Variants in TMEM181 observed in about 807,000 individuals in gnomAD.
TMEM181 encodes G protein-coupled receptor 178.
TMEM181 carries 39 observed loss-of-function variants against 71.9 expected under a neutral mutation model. The observed-to-expected ratio is 0.54, with a 90% confidence interval of 0.42 to 0.71. TMEM181 has a LOEUF of 0.71. TMEM181 is among the 30% of genes least tolerant of loss of function. The probability of loss-of-function intolerance (pLI) is 0.00; values close to 1 mark genes in which losing one functional copy is unlikely to be tolerated. For missense variants in TMEM181, 595 were observed against 583.0 expected, an observed-to-expected ratio of 1.02 and a Z score of -0.21; for synonymous variants, 245 against 228.8, an observed-to-expected ratio of 1.07 and a Z score of -0.64.
At chr6:158,585,482 A>G (rs1286579380) in intron 5 of TMEM181, 57 bp downstream of exon 5, 16 of 1,388,494 alleles carry the variant, frequency 1.2e-5, no homozygotes, top group Admixed American at 2.8e-5. Flanking sequence ...ACGTTTAATT[A>G]CAGAGCCACT....
At position 158,631,399 on chromosome 6, in the gene TMEM181, T is replaced by C. The variant is rs1165195361; in HGVS notation, c.1349+10T>C. 6.2e-7 allele frequency: 1 copy of C among 1,614,194 alleles called. No homozygotes were observed. Among genetic ancestry groups the C allele is most frequent in the Non-Finnish European group, 8.5e-7 (1 of 1,180,008 alleles). Reference sequence around the variant, plus strand: ...ATGATGTGATTTATGGGTAAGTCCCTGTCCGTTAGAAGGCCGGCACACCTT... The same window carrying C: ...ATGATGTGATTTATGGGTAAGTCCCCGTCCGTTAGAAGGCCGGCACACCTT... On this transcript the variant is annotated intron_variant, in intron 16 of 16. Coordinates refer to ENST00000684151, the MANE Select transcript of TMEM181 (RefSeq NM_001376852.1).
At position 158,573,507 on chromosome 6, in the gene TMEM181, C is replaced by A; in HGVS notation, c.96C>A (p.Ile32=). The stretch of plus-strand genomic sequence containing the variant: ...TCTTCATCTGCTTTGGCCTGACCAT[C>A]TTCGTTGGGATCAGAGGTAAGGTTC... ...VVFFICFGLT[I]FVGIRGPKVI... is the part of the protein sequence containing the mutation. Residue 32 remains isoleucine, a synonymous_variant, in exon 2 of 17, where the codon ATC becomes ATA. Transcript: ENST00000684151. The A allele has an allele frequency of 6.2e-7, 1 of 1,606,870 alleles. No homozygotes were observed. The highest frequency in any genetic ancestry group is 1.3e-5 in the African/African-American group (1 of 74,866).
At position 158,594,876 on chromosome 6, in the gene TMEM181, C is replaced by A. The variant is rs990989684; in HGVS notation, c.492+5094C>A. On this transcript the variant is annotated intron_variant, in intron 6 of 16. Coordinates refer to ENST00000684151, the MANE Select transcript of TMEM181 (RefSeq NM_001376852.1). ...ATACTTTTTGTATTTTTAGTAGAGA[C>A]GAGGTTTCACCATGTTGCCAGGCTG... Among the ~76,000 whole-genome samples the A allele has an allele frequency of 1.3e-5, 2 of 152,104 alleles. 1 individual carries two copies. The highest frequency in any genetic ancestry group is 4.8e-5 in the African/African-American group (2 of 41,400).
intron 6 of TMEM181, among the ~76,000 whole-genome samples, chr6:158,604,643 T>C (rs551990154): frequency 6.6e-5 from 10 of 152,336 alleles, no homozygotes; most frequent in Admixed American, 5.9e-4. Flanking sequence ...CTCACTCTTC[T>C]GCTTTCACAT....
chr6:158,573,729 G>C (rs1000540643), intron 2 of TMEM181, among the ~76,000 whole-genome samples: 1 of 152,190 alleles, frequency 6.6e-6, no homozygotes, highest in Non-Finnish European at 1.5e-5. Context: ...AAGTAGCCCC[G>C]AGTGACCCTG....
chr6:158,577,645 A>G (rs1320039475), intron 2 of TMEM181, among the ~76,000 whole-genome samples: 1 of 152,204 alleles, frequency 6.6e-6, no homozygotes, highest in Non-Finnish European at 1.5e-5. Flanking sequence ...ACCAAGATAT[A>G]ATCAAACTGT....
chr6:158,560,240 C>G lies in TMEM181; in HGVS notation c.8+8C>G. The G allele has an allele frequency of 1.0e-6, 1 of 985,072 alleles. No homozygotes were observed. Among genetic ancestry groups the G allele is most frequent in the Non-Finnish European group, 1.2e-6 (1 of 829,816 alleles). 61.0% of individuals were successfully genotyped at this position (985,072 alleles called of 1,614,324 possible). ...GGGCGCCGAGATGGAGCCGTGAGTC[C>G]CCGGCCGAGCGGGCGGGCTGGCTGG... On this transcript the variant is annotated splice_region_variant and intron_variant, in intron 1 of 16. Transcript: ENST00000684151.
chr6:158,557,605 C>T (rs1781948621), upstream of TMEM181, among the ~76,000 whole-genome samples: 1 of 152,072 alleles, frequency 6.6e-6, no homozygotes, highest in South Asian at 2.1e-4. Flanking sequence ...GCAAGCTCCA[C>T]CCCCTGGGTT....
upstream of TMEM181, chr6:158,560,070 A>T (rs1286316365): frequency 1.2e-5 from 12 of 984,724 alleles, no homozygotes; most frequent in Non-Finnish European, 1.4e-5. Context: ...CGCGCACGTG[A>T]TCTCGGCGTC....
chr6:158,588,708 A>G (rs1448392763), intron 5 of TMEM181, among the ~76,000 whole-genome samples: 3 of 152,296 alleles, frequency 2.0e-5, no homozygotes, highest in Non-Finnish European at 4.4e-5. Context: ...TTGGCCTCCC[A>G]AAGTGCTGGG....
intron 6 of TMEM181, among the ~76,000 whole-genome samples, chr6:158,592,566 G>A (rs1048262975): frequency 8.6e-5 from 13 of 151,974 alleles, no homozygotes; most frequent in Admixed American, 3.3e-4. Context: ...TCTGCCTCCC[G>A]GGTTCAGGCA....
chr6:158,560,848 G>C (rs1174056816), intron 1 of TMEM181, among the ~76,000 whole-genome samples: 1 of 152,004 alleles, frequency 6.6e-6, no homozygotes, highest in Admixed American at 6.5e-5. Flanking sequence ...TTGAAGTCCA[G>C]GGTTTTTAAT....
intron 1 of TMEM181, among the ~76,000 whole-genome samples, chr6:158,565,149 T>C (rs542034631): frequency 6.6e-6 from 1 of 152,366 alleles, no homozygotes; most frequent in East Asian, 1.9e-4. Flanking sequence ...GGACAGCAAT[T>C]TGAGGTGTTC....
intron 10 of TMEM181, among the ~76,000 whole-genome samples, chr6:158,617,190 C>T (rs1023554532): frequency 2.6e-5 from 4 of 152,140 alleles, no homozygotes; most frequent in African/African-American, 9.7e-5. Flanking sequence ...AGAGATTCAG[C>T]TTCTTCCTGG....
chr6:158,555,586 T>A (rs1781854588), upstream of TMEM181, among the ~76,000 whole-genome samples: 1 of 152,240 alleles, frequency 6.6e-6, no homozygotes, highest in South Asian at 2.1e-4. Context: ...TTTTAGAGAA[T>A]TCAGATAATG....
intron 3 of TMEM181, among the ~76,000 whole-genome samples, chr6:158,583,515 C>T (rs1368543778): frequency 6.6e-6 from 1 of 151,612 alleles, no homozygotes. Flanking sequence ...AAAGGAAAAC[C>T]TCATGGCCGG....
At chr6:158,591,958 A>G (rs1220380334) in intron 6 of TMEM181, among the ~76,000 whole-genome samples, 1 of 152,184 alleles carries the variant, frequency 6.6e-6, no homozygotes, top group Admixed American at 6.5e-5. Flanking sequence ...GGCAAGTGAT[A>G]CAGTGTTACT....
intron 10 of TMEM181, among the ~76,000 whole-genome samples, chr6:158,609,135 C>CT (rs1269943789): frequency 2.0e-5 from 3 of 151,056 alleles, no homozygotes; most frequent in Non-Finnish European, 4.4e-5. Flanking sequence ...TACAATCAAA[C>CT]TGTGTTCTGT....
upstream of TMEM181, among the ~76,000 whole-genome samples, chr6:158,555,236 C>G (rs1371055095): frequency 1.3e-5 from 2 of 152,216 alleles, no homozygotes; most frequent in Non-Finnish European, 2.9e-5. Context: ...TTATGCCAGA[C>G]AGAGACACCT....
Sources: allele counts gnomAD v4.1 joint callset (sites outside exome capture counted in the v4.1 genomes callset), GRCh38; gene constraint gnomAD v4.1.1; transcripts MANE v1.5; gene names NCBI Gene and HGNC (gene_info 2026-07-23, HGNC 2026-07-21).